The following PHKB variants were observed in gnomAD, a reference collection of about 807,000 sequenced individuals.
The protein encoded by PHKB is phosphorylase b kinase regulatory subunit beta.
PHKB carries 122 observed loss-of-function variants against 152.1 expected under a neutral mutation model. The observed-to-expected ratio is 0.80, with a 90% CI of 0.69 to 0.93. The LOEUF is 0.93. Among genes scored for constraint, PHKB ranks in the 40% least tolerant of loss-of-function variants. The pLI, the probability that PHKB is intolerant of heterozygous loss-of-function variation, is 0.00. For synonymous variants in PHKB, 436 were observed against 464.9 expected, an observed-to-expected ratio of 0.94 and a Z score of 0.80; for missense variants, 1,304 against 1,328.4, an observed-to-expected ratio of 0.98 and a Z score of 0.29.
intron 7 of PHKB, among the ~76,000 whole-genome samples, chr16:47,578,957 T>C (rs1433180381): frequency 6.6e-6 from 1 of 152,102 alleles, no homozygotes; most frequent in Non-Finnish European, 1.5e-5. Context: ...TGTATGCATG[T>C]GCTGGCATTT....
intron 14 of PHKB, among the ~76,000 whole-genome samples, chr16:47,633,314 TA>T (rs371668498): frequency 1.0e-4 from 15 of 148,560 alleles, no homozygotes; most frequent in East Asian, 3.9e-4. Flanking sequence ...CCAGCAATAC[TA>T]AAAAAAAAAG....
chr16:47,622,563 G>A (rs1972635320), intron 14 of PHKB, among the ~76,000 whole-genome samples: 1 of 152,174 alleles, frequency 6.6e-6, no homozygotes, highest in African/African-American at 2.4e-5. Flanking sequence ...TTATGATAGA[G>A]CAGATCATGT....
chr16:47,511,921 C>T (rs2151649677), intron 5 of PHKB, 149 bp downstream of exon 5: 2 of 666,114 alleles, frequency 3.0e-6, no homozygotes, highest in South Asian at 3.3e-5. Context: ...TGAAACCGTT[C>T]CATCTCATAT....
intron 26 of PHKB, among the ~76,000 whole-genome samples, chr16:47,681,827 T>C: frequency 6.6e-6 from 1 of 152,206 alleles, no homozygotes; most frequent in Non-Finnish European, 1.5e-5. Flanking sequence ...TGTTAGCTGG[T>C]TATTTTGCTC....
intron 16 of PHKB, among the ~76,000 whole-genome samples, chr16:47,642,471 A>G (rs1249907288): frequency 2.6e-5 from 4 of 152,196 alleles, no homozygotes; most frequent in Admixed American, 6.5e-5. Flanking sequence ...TTATTTATAC[A>G]CTGCCATTTT....
intron 7 of PHKB, among the ~76,000 whole-genome samples, chr16:47,567,316 G>A (rs1971586577): frequency 6.6e-6 from 1 of 151,862 alleles, no homozygotes; most frequent in Admixed American, 6.6e-5. Flanking sequence ...TTGTAAATGG[G>A]ATTGAGTTAT....
intron 26 of PHKB, among the ~76,000 whole-genome samples, chr16:47,680,121 A>G (rs1310608393): frequency 1.3e-5 from 2 of 152,210 alleles, no homozygotes; most frequent in Admixed American, 6.5e-5. Context: ...GATGAAGCCC[A>G]CTTGATCATG....
intron 1 of PHKB, among the ~76,000 whole-genome samples, chr16:47,467,759 C>T (rs1457332190): frequency 6.6e-6 from 1 of 152,196 alleles, no homozygotes; most frequent in Non-Finnish European, 1.5e-5. Context: ...AAGAGCACAA[C>T]AGCTTGTCTC....
intron 4 of PHKB, among the ~76,000 whole-genome samples, chr16:47,510,305 C>A (rs1340076788): frequency 6.6e-6 from 1 of 152,092 alleles, no homozygotes; most frequent in Non-Finnish European, 1.5e-5. Context: ...TCTGCACGTC[C>A]CCTGAAGTAA....
At chr16:47,614,194 A>C (rs1567327850) in intron 14 of PHKB, among the ~76,000 whole-genome samples, 1 of 152,168 alleles carries the variant, frequency 6.6e-6, no homozygotes, top group Non-Finnish European at 1.5e-5. Flanking sequence ...TTTTTAAACA[A>C]CCAGATCTTA....
intron 25 of PHKB, chr16:47,666,111 C>G (rs1362232285): frequency 1.0e-6 from 1 of 991,062 alleles, no homozygotes; most frequent in African/African-American, 1.6e-5. Flanking sequence ...TTAAGTCTGG[C>G]AAACCTCAAT....
At chr16:47,538,904 TATTA>T (rs1458755596) in intron 6 of PHKB, among the ~76,000 whole-genome samples, 7 of 152,310 alleles carry the variant, frequency 4.6e-5, no homozygotes, top group Admixed American at 2.0e-4. Flanking sequence ...ATATACATTA[TATTA>T]ATTATGTGTG....
intron 6 of PHKB, among the ~76,000 whole-genome samples, chr16:47,524,359 T>C (rs1344286834): frequency 2.0e-5 from 3 of 152,214 alleles, no homozygotes; most frequent in African/African-American, 7.2e-5. Flanking sequence ...AGTCCCAGTG[T>C]GTTTTTTAAC....
intron 13 of PHKB, among the ~76,000 whole-genome samples, chr16:47,597,420 G>A (rs149851064): frequency 4.6e-5 from 7 of 152,096 alleles, no homozygotes; most frequent in African/African-American, 1.7e-4. Flanking sequence ...TACATAAAAT[G>A]ATATGTAAGA....
chr16:47,492,829 C>G (rs1970172645), intron 1 of PHKB, among the ~76,000 whole-genome samples: 1 of 152,166 alleles, frequency 6.6e-6, no homozygotes, highest in Non-Finnish European at 1.5e-5. Flanking sequence ...TCTCACTCAC[C>G]CTTTCTTAAG....
intron 6 of PHKB, among the ~76,000 whole-genome samples, chr16:47,517,273 G>A (rs80061931): frequency 2.0e-5 from 2 of 101,206 alleles, no homozygotes; most frequent in Non-Finnish European, 3.9e-5. Flanking sequence ...TTTTTTTTTT[G>A]AGACAGTGTA....
intron 29 of PHKB, among the ~76,000 whole-genome samples, chr16:47,697,742 A>G (rs1974174143): frequency 1.3e-5 from 2 of 152,228 alleles, no homozygotes; most frequent in African/African-American, 2.4e-5. Flanking sequence ...AGCCTTTACC[A>G]ATTATTGCAT....
chr16:47,582,340 C>T (rs1971861654), intron 8 of PHKB, among the ~76,000 whole-genome samples: 1 of 152,180 alleles, frequency 6.6e-6, no homozygotes, highest in Non-Finnish European at 1.5e-5. Context: ...ATACAAGCTA[C>T]ATTTCCTAAC....
chr16:47,594,856 C>A (rs542858906), intron 12 of PHKB, among the ~76,000 whole-genome samples: 15 of 152,116 alleles, frequency 9.9e-5, no homozygotes, highest in Non-Finnish European at 2.1e-4. Context: ...TTCTAGATGT[C>A]TTTGGGGCTT....
Sources: allele counts gnomAD v4.1 joint callset (sites outside exome capture counted in the v4.1 genomes callset), GRCh38; gene constraint gnomAD v4.1.1; transcripts MANE v1.5; gene names NCBI Gene and HGNC (gene_info 2026-07-23, HGNC 2026-07-21).